The following ZFAND3 variants were observed in gnomAD, a reference collection of about 807,000 sequenced individuals.
ZFAND3 encodes the protein AN1-type zinc finger protein 3.
ZFAND3 carries 10 observed loss-of-function variants against 29.6 expected under a neutral mutation model. That is an observed-to-expected ratio of 0.34 (90% CI 0.21 to 0.57). The LOEUF is 0.57. Among genes scored for constraint, ZFAND3 ranks in the 20% least tolerant of loss-of-function variants. ZFAND3 has a pLI of 0.86. For missense variants in ZFAND3, 230 were observed against 304.5 expected, an observed-to-expected ratio of 0.76 and a Z score of 1.82; for synonymous variants, 128 against 112.6, an observed-to-expected ratio of 1.14 and a Z score of -0.87.
At chr6:38,100,333 A>T (rs1258948059) in intron 4 of ZFAND3, among the ~76,000 whole-genome samples, 2 of 152,200 alleles carry the variant, frequency 1.3e-5, no homozygotes, top group African/African-American at 4.8e-5. Flanking sequence ...AAGTTTTGGG[A>T]TTACAGGCGT....
intron 3 of ZFAND3, among the ~76,000 whole-genome samples, chr6:38,080,905 A>C: frequency 6.6e-6 from 1 of 152,174 alleles, no homozygotes; most frequent in South Asian, 2.1e-4. Context: ...TTATCTGGTG[A>C]ATGTGGCATT....
At chr6:37,964,646 T>A (rs1237561279) in intron 2 of ZFAND3, among the ~76,000 whole-genome samples, 1 of 152,226 alleles carries the variant, frequency 6.6e-6, no homozygotes, top group African/African-American at 2.4e-5. Flanking sequence ...GACTACTCTC[T>A]TATATACCGC....
chr6:37,897,289 A>G (rs73419451), intron 1 of ZFAND3, among the ~76,000 whole-genome samples: 10,233 of 152,320 alleles, frequency 0.067, 411 homozygotes, highest in Non-Finnish European at 0.085. Context: ...AACTAGAATC[A>G]TAGGCACTTC....
intron 2 of ZFAND3, among the ~76,000 whole-genome samples, chr6:37,942,239 A>G (rs1761823340): frequency 6.6e-6 from 1 of 152,030 alleles, no homozygotes; most frequent in South Asian, 2.1e-4. Flanking sequence ...TGACTCACAA[A>G]GAAGAGCCAT....
intron 2 of ZFAND3, chr6:38,003,188 A>T (rs1162405701): frequency 6.5e-6 from 1 of 153,518 alleles, no homozygotes; most frequent in East Asian, 1.9e-4. Flanking sequence ...AAATCTCTGC[A>T]GCCATGGTTA....
intron 1 of ZFAND3, among the ~76,000 whole-genome samples, chr6:37,888,819 A>G (rs773503529): frequency 6.6e-5 from 10 of 152,220 alleles, no homozygotes; most frequent in South Asian, 6.2e-4. Context: ...TGCTATTTCT[A>G]CTATATGGTA....
intron 2 of ZFAND3, among the ~76,000 whole-genome samples, chr6:37,972,681 G>A (rs1413583061): frequency 1.3e-5 from 2 of 151,408 alleles, no homozygotes; most frequent in African/African-American, 4.8e-5. Context: ...CCTTTGTAAG[G>A]TTTTCAGGCC....
chr6:37,903,760 G>T (rs1765360623), intron 1 of ZFAND3, among the ~76,000 whole-genome samples: 1 of 152,154 alleles, frequency 6.6e-6, no homozygotes, highest in Non-Finnish European at 1.5e-5. Context: ...AAATGTGCTT[G>T]CTTTTTAAAA....
chr6:38,064,802 T>A (rs542180151), intron 3 of ZFAND3, among the ~76,000 whole-genome samples: 1 of 152,128 alleles, frequency 6.6e-6, no homozygotes, highest in Admixed American at 6.5e-5. Context: ...CTTAGACTTA[T>A]ACTCTCTGAA....
At position 38,082,465 on chromosome 6, in the gene ZFAND3, C is replaced by T. The variant is rs752693340; in HGVS notation, c.361+8C>T. The T allele has an allele frequency of 4.0e-5, 65 of 1,609,324 alleles. 1 individual carries two copies. The East Asian group carries it at 1.1e-3, about 28-fold the overall frequency. On this transcript the variant is annotated splice_region_variant and intron_variant, in intron 4 of 5. Transcript: ENST00000287218. ...AAAGATCCTGTGGTACAGGTATGTA[C>T]GTCATTCTTATGTGAATTCATCCTT... is the stretch of plus-strand genomic sequence containing the variant.
At chr6:38,118,098 A>AG (rs1179132475) in intron 5 of ZFAND3, among the ~76,000 whole-genome samples, 2 of 152,296 alleles carry the variant, frequency 1.3e-5, no homozygotes, top group East Asian at 1.9e-4. Context: ...AACCGTAAAG[A>AG]GGGTTAGGAT....
intron 1 of ZFAND3, among the ~76,000 whole-genome samples, chr6:37,835,452 TG>T (rs1763949229): frequency 1.3e-5 from 2 of 148,852 alleles, no homozygotes; most frequent in Admixed American, 1.4e-4. Context: ...CCACCATGCC[TG>T]GCCTGTAAGA....
At chr6:38,076,589 G>T (rs1764557922) in intron 3 of ZFAND3, among the ~76,000 whole-genome samples, 1 of 152,112 alleles carries the variant, frequency 6.6e-6, no homozygotes, top group Admixed American at 6.6e-5. Context: ...ACTGAGTTAG[G>T]ATTAGAACTT....
intron 2 of ZFAND3, among the ~76,000 whole-genome samples, chr6:37,950,349 T>A (rs1254196633): frequency 2.3e-5 from 1 of 43,720 alleles, no homozygotes; most frequent in Non-Finnish European, 4.9e-5. Context: ...AAATTGGGAG[T>A]CCTTTTTCCA....
intron 1 of ZFAND3, among the ~76,000 whole-genome samples, chr6:37,852,231 A>G (rs1372785975): frequency 6.6e-6 from 1 of 152,196 alleles, no homozygotes; most frequent in Non-Finnish European, 1.5e-5. Flanking sequence ...TTTGTCTTCC[A>G]AGGGAGCATG....
At chr6:37,939,130 T>G (rs1761756018) in intron 2 of ZFAND3, among the ~76,000 whole-genome samples, 1 of 152,178 alleles carries the variant, frequency 6.6e-6, no homozygotes, top group Non-Finnish European at 1.5e-5. Context: ...TTTCCTAGGG[T>G]TGCCACAACA....
intron 2 of ZFAND3, among the ~76,000 whole-genome samples, chr6:38,022,115 G>C (rs896966446): frequency 6.6e-6 from 1 of 152,166 alleles, no homozygotes; most frequent in Non-Finnish European, 1.5e-5. Flanking sequence ...CTGAGAGCTT[G>C]TAAGAAATGC....
At chr6:38,089,155 C>A (rs1262841947) in intron 4 of ZFAND3, among the ~76,000 whole-genome samples, 1 of 151,918 alleles carries the variant, frequency 6.6e-6, no homozygotes, top group Non-Finnish European at 1.5e-5. Context: ...TGCTTTGTCA[C>A]CCAGGCTGGA....
At chr6:37,924,011 G>A (rs1041320540) in intron 1 of ZFAND3, among the ~76,000 whole-genome samples, 2 of 150,646 alleles carry the variant, frequency 1.3e-5, no homozygotes, top group African/African-American at 2.4e-5. Context: ...CTGTTCAAGG[G>A]GTATGTATTT....
Sources: allele counts gnomAD v4.1 joint callset (sites outside exome capture counted in the v4.1 genomes callset), GRCh38; gene constraint gnomAD v4.1.1; transcripts MANE v1.5; gene names NCBI Gene and HGNC (gene_info 2026-07-23, HGNC 2026-07-21).